Variants in NPLOC4 observed in about 807,000 individuals in gnomAD.
The protein encoded by NPLOC4 is nuclear protein localization protein 4 homolog.
NPLOC4 carries 18 observed loss-of-function variants against 80.6 expected under a neutral mutation model. The observed-to-expected ratio is 0.22, with a 90% CI of 0.15 to 0.33. The LOEUF (loss-of-function observed/expected upper bound fraction) is 0.33, where lower values mean the gene tolerates loss of function less well. NPLOC4 is among the 10% of genes least tolerant of loss of function. The pLI is 1.00. For missense variants in NPLOC4, 540 were observed against 786.1 expected (o/e 0.69, Z 3.74); for synonymous variants, 313 against 301.5 (o/e 1.04, Z -0.39).
At chr17:81,571,526 CCA>C in intron 13 of NPLOC4, among the ~76,000 whole-genome samples, 1 of 152,230 alleles carries the variant, frequency 6.6e-6, no homozygotes. Context: ...CCCCTGGGGA[CCA>C]CCCTGGACGG....
intron 12 of NPLOC4, among the ~76,000 whole-genome samples, chr17:81,585,453 G>A (rs529996124): frequency 6.6e-6 from 1 of 152,092 alleles, no homozygotes; most frequent in East Asian, 1.9e-4. Context: ...CACGAGGTCA[G>A]GAGTTTGAGA....
At position 81,577,584 on chromosome 17, in the gene NPLOC4, C is replaced by G. The variant is rs1371017667; in HGVS notation, c.1282-5496G>C. On this transcript the variant is annotated intron_variant, in intron 12 of 16. Coordinates refer to ENST00000331134, the MANE Select transcript of NPLOC4 (RefSeq NM_017921.4). This position sits in a 1 kb window ranked among gnomAD's most constrained non-coding sequence, Gnocchi z 4.3. ...TCTGGGTTAATTTAGGCTTTCTCCA[C>G]AGATAGTCTGAAAAGGGAACTATTG... Among the ~76,000 whole-genome samples the G allele has an allele frequency of 6.6e-6, 1 of 152,158 alleles. No homozygotes were observed. The highest frequency in any genetic ancestry group is 1.5e-5 in the Non-Finnish European group (1 of 68,040).
In NPLOC4 at chr17:81,557,728, A is replaced by G. The variant is rs865865474; in HGVS notation, c.*1531T>C. On this transcript the variant is annotated 3_prime_UTR_variant, in exon 17 of 17. Transcript: ENST00000331134. ...GTTGCATCCGCAGCAGTCCGCTTCA[A>G]CCCAGCTCCTCTCCACCCTTCCTGA... 10 of 152,268 alleles carry G rather than the reference A, an allele frequency of 6.6e-5. No individual in the cohort carries two copies. Among genetic ancestry groups the G allele is most frequent in the African/African-American group, 2.2e-4 (9 of 41,452 alleles). 9.4% of individuals were successfully genotyped at this position (152,268 alleles called of 1,614,324 possible).
chr17:81,629,348 C>T (rs558899285), intron 2 of NPLOC4, among the ~76,000 whole-genome samples: 59 of 152,116 alleles, frequency 3.9e-4, no homozygotes, highest in Middle Eastern at 3.4e-3. Flanking sequence ...CCTACCACCA[C>T]GCCCGACTAA....
chr17:81,584,149 C>T (rs918847057), intron 12 of NPLOC4, among the ~76,000 whole-genome samples: 1 of 152,180 alleles, frequency 6.6e-6, no homozygotes, highest in African/African-American at 2.4e-5. Context: ...CACCTCCAAC[C>T]GCAAAGTCCA....
At chr17:81,631,681 G>A (rs2035935270) in intron 1 of NPLOC4, among the ~76,000 whole-genome samples, 1 of 152,014 alleles carries the variant, frequency 6.6e-6, no homozygotes, top group South Asian at 2.1e-4. Context: ...GGGACGGGAA[G>A]GAAGGCAGAC....
At chr17:81,595,266 G>A (rs1019755931) in intron 11 of NPLOC4, among the ~76,000 whole-genome samples, 1 of 151,048 alleles carries the variant, frequency 6.6e-6, no homozygotes, top group South Asian at 2.1e-4. Context: ...AAACCCAGTC[G>A]CTACTAAAAA....
intron 3 of NPLOC4, among the ~76,000 whole-genome samples, chr17:81,613,995 G>T (rs2035409129): frequency 6.6e-6 from 1 of 152,106 alleles, no homozygotes; most frequent in Non-Finnish European, 1.5e-5. Context: ...AAGTGTGACT[G>T]GCCAGGCTCG....
rs546922501 is a variant in NPLOC4, at chr17:81,572,929, C to G, written c.1282-841G>C. Reference sequence around the variant, plus strand: ...ACACAAATATGAAGACACGGGAACCCCACACCAATCTGTCAAAGTCTCAAC... The same window carrying G: ...ACACAAATATGAAGACACGGGAACCGCACACCAATCTGTCAAAGTCTCAAC... On this transcript the variant is annotated intron_variant, in intron 12 of 16. Coordinates refer to ENST00000331134, the MANE Select transcript of NPLOC4 (RefSeq NM_017921.4). This position sits in a 1 kb window ranked among gnomAD's most constrained non-coding sequence, Gnocchi z 4.5. 2.0e-5 allele frequency among the ~76,000 whole-genome samples: 3 copies of G among 152,262 alleles called. No homozygotes were observed. The highest frequency in any genetic ancestry group is 7.2e-5 in the African/African-American group (3 of 41,546).
intron 3 of NPLOC4, among the ~76,000 whole-genome samples, chr17:81,618,966 G>A (rs980245962): frequency 6.6e-5 from 10 of 151,898 alleles, no homozygotes; most frequent in Non-Finnish European, 1.3e-4. Flanking sequence ...GATTAAGGGC[G>A]GTGCAAGATG....
At chr17:81,576,739 A>G (rs551541361) in intron 12 of NPLOC4, among the ~76,000 whole-genome samples, 1 of 152,206 alleles carries the variant, frequency 6.6e-6, no homozygotes, top group Non-Finnish European at 1.5e-5. Context: ...CAAATACTTA[A>G]GTGCACACAG....
chr17:81,625,823 A>AC (rs1489224135), intron 2 of NPLOC4, among the ~76,000 whole-genome samples: 4 of 152,066 alleles, frequency 2.6e-5, no homozygotes, highest in Non-Finnish European at 5.9e-5. Flanking sequence ...AGCCTTAGGA[A>AC]CCCATGGTAC....
intron 1 of NPLOC4, among the ~76,000 whole-genome samples, chr17:81,631,709 T>C (rs1014991874): frequency 1.3e-5 from 2 of 152,076 alleles, no homozygotes; most frequent in Non-Finnish European, 2.9e-5. Context: ...TGCGCATAAG[T>C]GTCCTAGCTT....
At chr17:81,590,332 G>A (rs2034704764) in intron 11 of NPLOC4, among the ~76,000 whole-genome samples, 1 of 152,190 alleles carries the variant, frequency 6.6e-6, no homozygotes, top group African/African-American at 2.4e-5. Context: ...TACAGATCAT[G>A]GCTGAGAGGC....
Position 81,611,898 on chromosome 17 carries a change from G to A in NPLOC4, c.386+1420C>T, listed in dbSNP as rs932074688. Among the ~76,000 whole-genome samples, 7 of 150,516 alleles carry A rather than the reference G, an allele frequency of 4.7e-5. No individual in the cohort carries two copies. The East Asian group carries it at 9.9e-4, about 21-fold the overall frequency. ...TGGCGTGAACCGGGGGGACGCAGCTGGCAGTGAGCGGACGTCGCGCCACTG... is the reference window on the plus strand; with the variant it reads ...TGGCGTGAACCGGGGGGACGCAGCTAGCAGTGAGCGGACGTCGCGCCACTG... On this transcript the variant is annotated intron_variant, in intron 4 of 16. Transcript: ENST00000331134.
chr17:81,606,894 T>C (rs2035218435), intron 6 of NPLOC4, 80 bp from the exon 7 acceptor site: 1 of 1,354,858 alleles, frequency 7.4e-7, no homozygotes, highest in Admixed American at 1.8e-5. Flanking sequence ...CTAAGTATCT[T>C]ATACCTCCTG....
At chr17:81,598,742 G>A (rs780292351) in intron 9 of NPLOC4, among the ~76,000 whole-genome samples, 2 of 152,082 alleles carry the variant, frequency 1.3e-5, no homozygotes, top group Admixed American at 6.6e-5. Flanking sequence ...GTTGAGTCCC[G>A]GCAATTGTCA....
intron 4 of NPLOC4, among the ~76,000 whole-genome samples, chr17:81,610,639 T>C (rs1205847316): frequency 6.6e-6 from 1 of 152,184 alleles, no homozygotes; most frequent in Non-Finnish European, 1.5e-5. Context: ...TGTGACTTCA[T>C]GGGTATCCAC....
chr17:81,612,790 A>C (rs2035377569), intron 4 of NPLOC4: 1 of 152,514 alleles, frequency 6.6e-6, no homozygotes, highest in South Asian at 2.1e-4. Flanking sequence ...GAATATTCCA[A>C]GGCACAGCAT....
Sources: allele counts gnomAD v4.1 joint callset (sites outside exome capture counted in the v4.1 genomes callset), GRCh38; gene constraint gnomAD v4.1.1; non-coding constraint Gnocchi (gnomAD v3.1); transcripts MANE v1.5; gene names NCBI Gene and HGNC (gene_info 2026-07-23, HGNC 2026-07-21).